The following PDZRN4 variants were observed in gnomAD, a reference collection of about 807,000 sequenced individuals.
PDZRN4 encodes PDZ domain-containing RING finger protein 4.
PDZRN4 carries 70 observed loss-of-function variants against 99.0 expected under a neutral mutation model. The observed-to-expected ratio is 0.71, with a 90% CI of 0.58 to 0.86. PDZRN4 has a LOEUF of 0.86. PDZRN4 is among the 40% of genes least tolerant of loss of function. PDZRN4 has a pLI of 0.00. For missense variants in PDZRN4, 1,474 were observed against 1,331.2 expected (o/e 1.11, Z -1.67); for synonymous variants, 551 against 501.6 (o/e 1.10, Z -1.32).
intron 7 of PDZRN4, 36 bp from the exon 8 acceptor site, chr12:41,563,512 A>G: frequency 7.0e-7 from 1 of 1,421,336 alleles, no homozygotes; most frequent in Admixed American, 1.7e-5. Context: ...CATTGTGGAA[A>G]TGGAAACTAA....
At chr12:41,483,859 C>T (rs530429847) in intron 3 of PDZRN4, among the ~76,000 whole-genome samples, 17 of 152,062 alleles carry the variant, frequency 1.1e-4, no homozygotes, top group Non-Finnish European at 2.2e-4. Flanking sequence ...ATGCATAGTC[C>T]AGTAGTACAC....
At chr12:41,432,717 A>G (rs988275190) in intron 3 of PDZRN4, among the ~76,000 whole-genome samples, 14 of 152,214 alleles carry the variant, frequency 9.2e-5, no homozygotes, top group Non-Finnish European at 1.9e-4. Context: ...AGAATTCAGA[A>G]GTTGAAGAAG....
intron 3 of PDZRN4, among the ~76,000 whole-genome samples, chr12:41,274,105 G>T (rs1287220208): frequency 2.6e-5 from 4 of 151,656 alleles, no homozygotes; most frequent in Non-Finnish European, 4.4e-5. Context: ...TTTTGTACTG[G>T]GATAACTACC....
chr12:41,545,611 A>C (rs1397042095), intron 5 of PDZRN4, among the ~76,000 whole-genome samples: 1 of 151,934 alleles, frequency 6.6e-6, no homozygotes, highest in Non-Finnish European at 1.5e-5. Context: ...AAGAAGGAAT[A>C]ATTCCATGAG....
chr12:41,197,005 C>A lies in PDZRN4; in HGVS notation c.843+2817C>A, dbSNP rs539351276. ...TAAAATTATCCGTATGACTTATGCA[C>A]AATCTGACACATTACTAAATGCTTT... On this transcript the variant is annotated intron_variant, in intron 3 of 9. Coordinates refer to ENST00000402685, the MANE Select transcript of PDZRN4 (RefSeq NM_001164595.2). 2.6e-5 allele frequency among the ~76,000 whole-genome samples: 4 copies of A among 151,888 alleles called. No homozygotes were observed. The East Asian group carries it at 7.8e-4, about 29-fold the overall frequency.
In PDZRN4 at chr12:41,573,052, G is replaced by T. The variant is rs751423821; in HGVS notation, c.2273G>T (p.Ser758Ile). 1.2e-6 allele frequency: 2 copies of T among 1,614,126 alleles called. No homozygotes were observed. Among genetic ancestry groups the T allele is most frequent in the Non-Finnish European group, 8.5e-7 (1 of 1,180,014 alleles). ...TPLTVDRSPD[S>I]SLPRVINLTN... ...CTCACTGTAGACCGTTCCCCTGACA[G>T]TTCCCTTCCAAGGGTGATCAACCTC... The change falls in exon 10 of 10, where the codon AGT (serine) becomes ATT (isoleucine). Residue 758 changes from serine to isoleucine, a missense_variant. By Grantham distance (142) the Ser-to-Ile change is moderately radical (BLOSUM62 -2). Transcript: ENST00000402685.
At chr12:41,517,969 T>G (rs1938431400) in intron 5 of PDZRN4, among the ~76,000 whole-genome samples, 1 of 152,070 alleles carries the variant, frequency 6.6e-6, no homozygotes, top group African/African-American at 2.4e-5. Context: ...AAATGGAAGA[T>G]GCAGTCTGTA....
At chr12:41,481,844 G>C (rs1252706891) in intron 3 of PDZRN4, among the ~76,000 whole-genome samples, 1 of 151,996 alleles carries the variant, frequency 6.6e-6, no homozygotes, top group South Asian at 2.1e-4. Context: ...TGCCAATGTA[G>C]TATATATTAC....
chr12:41,478,280 T>A (rs1937623233), intron 3 of PDZRN4, among the ~76,000 whole-genome samples: 1 of 152,080 alleles, frequency 6.6e-6, no homozygotes, highest in African/African-American at 2.4e-5. Context: ...CATATCTAGC[T>A]AATTTTTGTA....
chr12:41,510,063 A>G, intron 5 of PDZRN4, 150 bp downstream of exon 5: 2 of 452,696 alleles, frequency 4.4e-6, no homozygotes, highest in Non-Finnish European at 7.9e-6. Flanking sequence ...TGCTTTAGCT[A>G]TGTGGCTCTC....
At chr12:41,331,644 G>A (rs1293521462) in intron 3 of PDZRN4, among the ~76,000 whole-genome samples, 8 of 152,112 alleles carry the variant, frequency 5.3e-5, no homozygotes, top group African/African-American at 1.9e-4. Flanking sequence ...TTTTCACACT[G>A]CTGTGATGAA....
intron 3 of PDZRN4, among the ~76,000 whole-genome samples, chr12:41,469,008 C>CA (rs11322310): frequency 2.2e-3 from 310 of 141,196 alleles, no homozygotes; most frequent in African/African-American, 4.2e-3. Context: ...GATTCTGTCT[C>CA]AAAAAAAAAA....
intron 3 of PDZRN4, among the ~76,000 whole-genome samples, chr12:41,216,785 T>A (rs1226522048): frequency 6.6e-6 from 1 of 152,076 alleles, no homozygotes; most frequent in African/African-American, 2.4e-5. Flanking sequence ...TGTCATCCTT[T>A]CTTTTTTTTA....
chr12:41,304,436 G>A (rs1388691185), intron 3 of PDZRN4, among the ~76,000 whole-genome samples: 1 of 152,064 alleles, frequency 6.6e-6, no homozygotes, highest in Non-Finnish European at 1.5e-5. Flanking sequence ...CTTCACCTAT[G>A]AAGCTTTTTC....
At chr12:41,405,193 CA>C (rs1952336826) in intron 3 of PDZRN4, among the ~76,000 whole-genome samples, 1 of 152,050 alleles carries the variant, frequency 6.6e-6, no homozygotes, top group Non-Finnish European at 1.5e-5. Context: ...AAAATATTCA[CA>C]AACTATGCAT....
In PDZRN4 at chr12:41,573,854, A is replaced by G; in HGVS notation, c.3075A>G (p.Arg1025=). The G allele has an allele frequency of 6.3e-7, 1 of 1,591,058 alleles. No individual in the cohort carries two copies. The part of the protein sequence containing the change: ...THGAKSPDGT[R]VHNAFLSVTT... ...GGGCCAAGTCTCCAGATGGCACGAG[A>G]GTCCATAATGCCTTCTTGTCGGTGA... The change falls in exon 10 of 10, where the codon AGA becomes AGG. Residue 1025 remains arginine (R), a synonymous_variant. Transcript: ENST00000402685.
At chr12:41,276,356 A>C (rs548789092) in intron 3 of PDZRN4, among the ~76,000 whole-genome samples, 1 of 152,212 alleles carries the variant, frequency 6.6e-6, no homozygotes, top group East Asian at 1.9e-4. Context: ...GTGTTTTAAG[A>C]ACCCTTTTTA....
intron 5 of PDZRN4, among the ~76,000 whole-genome samples, chr12:41,546,950 A>G (rs998265158): frequency 2.6e-5 from 4 of 152,224 alleles, no homozygotes; most frequent in South Asian, 2.1e-4. Context: ...AAAAACTGAC[A>G]TGTGAGTCAG....
intron 3 of PDZRN4, among the ~76,000 whole-genome samples, chr12:41,332,521 G>A (rs145580028): frequency 6.6e-6 from 1 of 152,006 alleles, no homozygotes; most frequent in African/African-American, 2.4e-5. Context: ...AAAGGATATG[G>A]GAGATATTGT....
Sources: gnomAD v4.1 joint callset for allele counts (sites outside exome capture counted in the v4.1 genomes callset) on GRCh38, gnomAD v4.1.1 for gene constraint, MANE v1.5 for transcripts, NCBI Gene and HGNC (gene_info 2026-07-23, HGNC 2026-07-21) for gene names.